The following SLC25A26 variants were observed in gnomAD, a reference collection of about 807,000 sequenced individuals.
SLC25A26 encodes the protein mitochondrial S-adenosylmethionine carrier protein.
A neutral mutation model predicts 37.8 loss-of-function variants in SLC25A26; 36 were observed. The observed-to-expected ratio is 0.95, with a 90% CI of 0.73 to 1.26. The LOEUF (loss-of-function observed/expected upper bound fraction) is 1.26, where lower values mean the gene tolerates loss of function less well. Ranked by LOEUF, SLC25A26 falls within the 50% of genes most tolerant of loss-of-function variation. The pLI is 0.00. For synonymous variants in SLC25A26, 129 were observed against 122.5 expected, an observed-to-expected ratio of 1.05 and a Z score of -0.35; for missense variants, 390 against 331.1, an observed-to-expected ratio of 1.18 and a Z score of -1.38.
At chr3:66,228,161 C>G (rs1024098514) in intron 1 of SLC25A26, among the ~76,000 whole-genome samples, 1 of 152,160 alleles carries the variant, frequency 6.6e-6, no homozygotes, top group Non-Finnish European at 1.5e-5. Context: ...TTGCTCAGCC[C>G]GTGGAGCATG....
intron 5 of SLC25A26, among the ~76,000 whole-genome samples, chr3:66,265,175 G>A (rs935295857): frequency 2.6e-5 from 4 of 151,954 alleles, no homozygotes; most frequent in African/African-American, 9.7e-5. Flanking sequence ...GCTGGGCATG[G>A]TGGTGCCTGT....
rs147368461 is a variant in SLC25A26, at chr3:66,271,743, A to G, written c.453+8364A>G. On this transcript the variant is annotated intron_variant, in intron 5 of 9. Coordinates refer to ENST00000354883, the MANE Select transcript of SLC25A26 (RefSeq NM_001379210.1). The stretch of plus-strand genomic sequence containing the variant: ...CTAAAGTTTCATCTCTTCAGAAAGA[A>G]GACCATTTCATACATCTCTAGCTTC... Among the ~76,000 whole-genome samples the G allele has an allele frequency of 2.7e-3, 418 of 152,250 alleles. 7 individuals carry two copies. The highest frequency in any genetic ancestry group is 0.018 in the Admixed American group (282 of 15,274).
chr3:66,234,724 A>G (rs922943061), intron 1 of SLC25A26, among the ~76,000 whole-genome samples: 2 of 152,218 alleles, frequency 1.3e-5, no homozygotes, highest in Non-Finnish European at 2.9e-5. Flanking sequence ...TTTGCTAGGT[A>G]CCAAGCTTTG....
intron 5 of SLC25A26, among the ~76,000 whole-genome samples, chr3:66,342,779 A>G (rs188555380): frequency 6.6e-6 from 1 of 152,290 alleles, no homozygotes; most frequent in Admixed American, 6.5e-5. Context: ...GTTTATTACT[A>G]AGTGGAATCC....
At chr3:66,352,421 G>GTTTTTTTTTT (rs1379958045) in intron 6 of SLC25A26, among the ~76,000 whole-genome samples, 6 of 126,562 alleles carry the variant, frequency 4.7e-5, no homozygotes, top group African/African-American at 2.2e-4. Flanking sequence ...GCCTCCCCTC[G>GTTTTTTTTTT]TTTTTTGTTT....
intron 1 of SLC25A26, among the ~76,000 whole-genome samples, chr3:66,192,133 T>C (rs1479155236): frequency 6.6e-6 from 1 of 151,708 alleles, no homozygotes. Context: ...TGTCCAGTAA[T>C]GGTTAAACCC....
intron 5 of SLC25A26, among the ~76,000 whole-genome samples, chr3:66,280,927 T>C (rs1005175940): frequency 3.3e-5 from 5 of 152,168 alleles, no homozygotes; most frequent in African/African-American, 7.2e-5. Flanking sequence ...CCCAAGAAAT[T>C]TAATATTCAC....
intron 1 of SLC25A26, among the ~76,000 whole-genome samples, chr3:66,138,760 C>G (rs767783029): frequency 2.0e-5 from 3 of 151,992 alleles, no homozygotes; most frequent in Non-Finnish European, 4.4e-5. Flanking sequence ...ATTGGGAGGT[C>G]CTGGATACGG....
At position 66,275,994 on chromosome 3, in the gene SLC25A26, T is replaced by C. The variant is rs542618994; in HGVS notation, c.453+12615T>C. ...TTATATGGAGTATTAAGAGACTATATATGTAAGAAAACTAAATTTGAAGGT... is the reference window on the plus strand; with the variant it reads ...TTATATGGAGTATTAAGAGACTATACATGTAAGAAAACTAAATTTGAAGGT... On this transcript the variant is annotated intron_variant, in intron 5 of 9. Coordinates refer to ENST00000354883, the MANE Select transcript of SLC25A26 (RefSeq NM_001379210.1). Among the ~76,000 whole-genome samples the C allele has an allele frequency of 4.6e-5, 7 of 152,186 alleles. No individual in the cohort carries two copies. In the East Asian group the frequency reaches 1.4e-3, roughly 29 times the overall value.
intron 5 of SLC25A26, among the ~76,000 whole-genome samples, chr3:66,289,623 G>A (rs1385468567): frequency 1.3e-5 from 2 of 152,160 alleles, no homozygotes; most frequent in Non-Finnish European, 2.9e-5. Context: ...AAGATCAGAT[G>A]GTTGTAGATG....
chr3:66,176,517 TA>T (rs911650693), intron 1 of SLC25A26, among the ~76,000 whole-genome samples: 1 of 151,968 alleles, frequency 6.6e-6, no homozygotes, highest in African/African-American at 2.4e-5. Flanking sequence ...ATTGATTAAC[TA>T]AAAAAAATCA....
At chr3:66,352,752 G>A (rs751202923) in intron 6 of SLC25A26, among the ~76,000 whole-genome samples, 16 of 151,676 alleles carry the variant, frequency 1.1e-4, no homozygotes, top group Non-Finnish European at 2.1e-4. Context: ...ATTCATTCCA[G>A]CTCTTTCCCT....
At chr3:66,170,748 C>CT (rs1260641106) in intron 1 of SLC25A26, among the ~76,000 whole-genome samples, 4 of 149,496 alleles carry the variant, frequency 2.7e-5, no homozygotes, top group Non-Finnish European at 5.9e-5. Context: ...CATGTAGTGC[C>CT]TGAAGCCCAG....
intron 5 of SLC25A26, among the ~76,000 whole-genome samples, chr3:66,295,840 T>G (rs763310739): frequency 6.6e-6 from 1 of 151,844 alleles, no homozygotes; most frequent in Non-Finnish European, 1.5e-5. Flanking sequence ...CCATTTCTTG[T>G]CTGGGCACGG....
intron 1 of SLC25A26, among the ~76,000 whole-genome samples, chr3:66,233,263 A>C (rs36130225): frequency 0.073 from 11,120 of 152,252 alleles, 602 homozygotes; most frequent in East Asian, 0.29. Context: ...CTTCCTCTCT[A>C]CAGTCTGCCA....
At chr3:66,354,732 A>G (rs1356088392) in intron 6 of SLC25A26, among the ~76,000 whole-genome samples, 1 of 152,110 alleles carries the variant, frequency 6.6e-6, no homozygotes, top group Non-Finnish European at 1.5e-5. Flanking sequence ...TCGGGGAGGA[A>G]CCCAGTGGGA....
intron 1 of SLC25A26, among the ~76,000 whole-genome samples, chr3:66,184,149 C>G (rs540551417): frequency 6.6e-6 from 1 of 152,160 alleles, no homozygotes; most frequent in Non-Finnish European, 1.5e-5. Context: ...ATTTCTCATC[C>G]TCACTCTTAC....
chr3:66,142,260 T>C (rs556897957), intron 1 of SLC25A26, among the ~76,000 whole-genome samples: 1 of 152,316 alleles, frequency 6.6e-6, no homozygotes, highest in African/African-American at 2.4e-5. Flanking sequence ...TCTGGCTTCT[T>C]TCACTTAGTG....
At chr3:66,247,919 TAAAAAG>T (rs2072922156) in intron 3 of SLC25A26, among the ~76,000 whole-genome samples, 2 of 152,078 alleles carry the variant, frequency 1.3e-5, no homozygotes, top group Non-Finnish European at 2.9e-5. Context: ...ATTTGTAAAA[TAAAAAG>T]AAATAGGAAT....
Sources: gnomAD v4.1 joint callset for allele counts (sites outside exome capture counted in the v4.1 genomes callset) on GRCh38, gnomAD v4.1.1 for gene constraint, MANE v1.5 for transcripts, NCBI Gene and HGNC (gene_info 2026-07-23, HGNC 2026-07-21) for gene names.